LDLRAD3: variants seen among roughly 807,000 people sequenced by gnomAD.
LDLRAD3 encodes the protein low density lipoprotein receptor class A domain containing 3.
Under a neutral mutation model 29.4 loss-of-function variants are expected in LDLRAD3, and 20 were observed. That is an observed-to-expected ratio of 0.68 (90% confidence interval 0.48 to 0.99). LDLRAD3 has a LOEUF of 0.99. LDLRAD3 is among the 50% of genes least tolerant of loss of function. The pLI is 0.00. For missense variants in LDLRAD3, 420 were observed against 454.3 expected (o/e 0.92, Z 0.69); for synonymous variants, 157 against 192.7 (o/e 0.81, Z 1.53).
At chr11:36,047,816 C>T (rs924405330) in intron 2 of LDLRAD3, among the ~76,000 whole-genome samples, 1 of 152,120 alleles carries the variant, frequency 6.6e-6, no homozygotes, top group Admixed American at 6.5e-5. Flanking sequence ...ACCTTGAAAC[C>T]CCTTCAAACA....
Position 36,126,423 on chromosome 11 carries a change from C to A in LDLRAD3, c.454+27962C>A, listed in dbSNP as rs75414661. 5.7e-3 allele frequency among the ~76,000 whole-genome samples: 869 copies of A among 152,274 alleles called. 8 individuals are homozygous for A. The highest frequency in any genetic ancestry group is 0.02 in the African/African-American group (835 of 41,560). ...CCTAATGTAATCAATATGCTCAGAT[C>A]TCTTATTGGAGAGAGTAAGTTATCA... On this transcript the variant is annotated intron_variant, in intron 4 of 5. Coordinates refer to ENST00000315571, the MANE Select transcript of LDLRAD3 (RefSeq NM_174902.4).
intron 4 of LDLRAD3, among the ~76,000 whole-genome samples, chr11:36,209,186 G>A (rs576206851): frequency 3.3e-5 from 5 of 152,212 alleles, no homozygotes; most frequent in East Asian, 1.9e-4. Flanking sequence ...AACTGTCACC[G>A]ATTAGAGGAG....
intron 1 of LDLRAD3, among the ~76,000 whole-genome samples, chr11:36,024,209 C>T (rs1298257925): frequency 6.6e-6 from 1 of 152,166 alleles, no homozygotes; most frequent in Non-Finnish European, 1.5e-5. Flanking sequence ...GAAGGAGTAA[C>T]ATATACTAGT....
rs1193298105 is a variant in LDLRAD3, at chr11:36,213,860, T to C, written c.455-13225T>C. Among the ~76,000 whole-genome samples the C allele has an allele frequency of 6.6e-6, 1 of 152,140 alleles. No homozygotes were observed. Among genetic ancestry groups the C allele is most frequent in the Non-Finnish European group, 1.5e-5 (1 of 68,020 alleles). On this transcript the variant is annotated intron_variant, in intron 4 of 5. Transcript: ENST00000315571. The surrounding 1 kb of genome is among the most constrained non-coding windows in gnomAD (Gnocchi z 4.1). The stretch of plus-strand genomic sequence containing the variant: ...CAGCAGCGTTTTCTCTTCTCTGCCA[T>C]TCAGCACTCCCAAGGCCCGTTTTAA...
intron 1 of LDLRAD3, among the ~76,000 whole-genome samples, chr11:35,971,484 A>G (rs2133147346): frequency 6.6e-6 from 1 of 152,292 alleles, no homozygotes; most frequent in Non-Finnish European, 1.5e-5. Flanking sequence ...TAAGAGGAGG[A>G]GTTTTAGATA....
At chr11:36,121,865 G>A (rs1307778782) in intron 4 of LDLRAD3, among the ~76,000 whole-genome samples, 1 of 152,222 alleles carries the variant, frequency 6.6e-6, no homozygotes, top group Admixed American at 6.5e-5. Flanking sequence ...ACCTGCCATC[G>A]GGTAAAGAGA....
intron 4 of LDLRAD3, among the ~76,000 whole-genome samples, chr11:36,126,872 A>G (rs1853845662): frequency 6.6e-6 from 1 of 152,242 alleles, no homozygotes; most frequent in Non-Finnish European, 1.5e-5. Flanking sequence ...TAGAACATGC[A>G]TAATCACCCA....
chr11:35,948,773 C>T (rs1386654132), intron 1 of LDLRAD3, among the ~76,000 whole-genome samples: 1 of 152,034 alleles, frequency 6.6e-6, no homozygotes, highest in Non-Finnish European at 1.5e-5. Flanking sequence ...CAGGGTTTCT[C>T]AGCTTTGGTA....
intron 4 of LDLRAD3, among the ~76,000 whole-genome samples, chr11:36,179,155 C>T (rs976692599): frequency 2.0e-5 from 3 of 152,164 alleles, no homozygotes; most frequent in Non-Finnish European, 2.9e-5. Context: ...TGTTCTGCAT[C>T]CCTGGAGATT....
intron 4 of LDLRAD3, among the ~76,000 whole-genome samples, chr11:36,119,855 T>C (rs181975474): frequency 2.6e-5 from 4 of 152,372 alleles, no homozygotes; most frequent in Admixed American, 2.6e-4. Flanking sequence ...TCATCTATTT[T>C]GTTGTTATTA....
intron 4 of LDLRAD3, among the ~76,000 whole-genome samples, chr11:36,114,648 GC>G (rs1461716923): frequency 1.3e-5 from 2 of 152,196 alleles, no homozygotes; most frequent in Non-Finnish European, 2.9e-5. Flanking sequence ...AATTTGTCAG[GC>G]AGTCTTTCCT....
intron 1 of LDLRAD3, among the ~76,000 whole-genome samples, chr11:35,949,704 T>G (rs1260751966): frequency 6.6e-6 from 1 of 152,246 alleles, no homozygotes; most frequent in African/African-American, 2.4e-5. Flanking sequence ...GCTGTCGTTT[T>G]GCTTTGCTCT....
At chr11:36,121,799 A>G (rs1210423051) in intron 4 of LDLRAD3, among the ~76,000 whole-genome samples, 2 of 152,234 alleles carry the variant, frequency 1.3e-5, no homozygotes, top group Non-Finnish European at 2.9e-5. Context: ...ATGCTGTGCC[A>G]GTGTGGGAGC....
intron 2 of LDLRAD3, among the ~76,000 whole-genome samples, chr11:36,039,278 TTA>T (rs889521358): frequency 4.6e-5 from 7 of 152,180 alleles, no homozygotes; most frequent in African/African-American, 1.7e-4. Flanking sequence ...CTAAAATTTC[TTA>T]TATATTCCCT....
At chr11:36,141,381 A>C (rs1315525823) in intron 4 of LDLRAD3, among the ~76,000 whole-genome samples, 1 of 152,166 alleles carries the variant, frequency 6.6e-6, no homozygotes, top group Non-Finnish European at 1.5e-5. Context: ...ATAAAAGTAA[A>C]GAGAAAGCAG....
chr11:35,973,481 G>A (rs1281188307), intron 1 of LDLRAD3, among the ~76,000 whole-genome samples: 2 of 152,032 alleles, frequency 1.3e-5, no homozygotes, highest in African/African-American at 4.8e-5. Context: ...TTTTTGAGGT[G>A]TAGTCTTACT....
chr11:36,194,076 GTTCCC>G (rs988200229), intron 4 of LDLRAD3, among the ~76,000 whole-genome samples: 8 of 152,264 alleles, frequency 5.3e-5, no homozygotes, highest in African/African-American at 1.9e-4. Context: ...ACATATTACA[GTTCCC>G]TTCCCCTTGT....
intron 4 of LDLRAD3, among the ~76,000 whole-genome samples, chr11:36,218,359 CAG>C: frequency 6.6e-6 from 1 of 152,288 alleles, no homozygotes; most frequent in East Asian, 1.9e-4. Flanking sequence ...ACAGGCCAAA[CAG>C]GGTGATGTGA....
intron 4 of LDLRAD3, among the ~76,000 whole-genome samples, chr11:36,133,406 C>A (rs1230110284): frequency 4.1e-5 from 6 of 147,736 alleles, no homozygotes. Context: ...TTGGAAAAAA[C>A]TGAGACAAGG....
Sources: gnomAD v4.1 joint callset for allele counts (sites outside exome capture counted in the v4.1 genomes callset) on GRCh38, gnomAD v4.1.1 for gene constraint, Gnocchi (gnomAD v3.1) non-coding constraint, MANE v1.5 for transcripts, NCBI Gene and HGNC (gene_info 2026-07-23, HGNC 2026-07-21) for gene names.